The following ACP2 variants were observed in gnomAD, a reference collection of about 807,000 sequenced individuals.
ACP2 encodes acid phosphatase 2, lysosomal.
Under a neutral mutation model 54.7 loss-of-function variants are expected in ACP2, and 35 were observed. That is an observed-to-expected ratio of 0.64 (90% CI 0.49 to 0.85). The LOEUF (loss-of-function observed/expected upper bound fraction) is 0.85. Among genes scored for constraint, ACP2 ranks in the 40% least tolerant of loss-of-function variants. ACP2 has a pLI of 0.00. For missense variants in ACP2, 492 were observed against 565.0 expected (o/e 0.87, Z 1.31); for synonymous variants, 210 against 224.4 (o/e 0.94, Z 0.57).
chr11:47,243,369 T>C (rs1953946138), intron 7 of ACP2, 48 bp from the exon 8 acceptor site: 2 of 1,522,500 alleles, frequency 1.3e-6, no homozygotes, highest in Admixed American at 1.7e-5. Context: ...CACCTCTGCC[T>C]TCTAATTAGA....
chr11:47,241,197 A>G (rs1047586877), intron 10 of ACP2, among the ~76,000 whole-genome samples: 1 of 152,236 alleles, frequency 6.6e-6, no homozygotes, highest in Non-Finnish European at 1.5e-5. Context: ...CTGAGAGGAC[A>G]GTAGTATGAA....
chr11:47,248,416 A>G (rs2135547761), intron 1 of ACP2: 1 of 1,533,132 alleles, frequency 6.5e-7, no homozygotes. Flanking sequence ...GGGAAAAAAG[A>G]TAACCAAAGG....
rs143060861 is a variant in ACP2 at position 47,244,737 on chromosome 11, C to T, written c.770G>A (p.Gly257Glu). The T allele has an allele frequency of 2.7e-5, 44 of 1,604,002 alleles. No homozygotes were observed. Among genetic ancestry groups the T allele is most frequent in the Non-Finnish European group, 4.3e-6 (5 of 1,173,584 alleles). The change falls in exon 7 of 11, where the codon GGG (glycine) becomes GAG (glutamate). Residue 257 changes from glycine (G) to glutamate (E), a missense_variant and splice_region_variant. Coordinates refer to ENST00000672073, the MANE Select transcript of ACP2 (RefSeq NM_001610.4). ...YQQAEKARLQ[G>E]GVLLAQIRKN... The stretch of plus-strand genomic sequence containing the variant: ...GACACGCTGTCCTTGTCACTCACCC[C>T]CCTGAAGCCGGGCCTTCTCCGCCTG...
chr11:47,247,948 G>A (rs1358037247), intron 2 of ACP2, 90 bp downstream of exon 2: 1 of 1,172,092 alleles, frequency 8.5e-7, no homozygotes, highest in Admixed American at 2.4e-5. Flanking sequence ...ATGGGAAAAG[G>A]CAGTTTAGTA....
Position 47,242,844 on chromosome 11 carries a change from C to T in ACP2, c.1017G>A (p.Pro339=), listed in dbSNP as rs1409214352. ...GGTGAGGGCAGCCAGGCAGGCTGAG[C>T]GGCCAGGGGGCCTTGTCACTCTCGT... is the stretch of plus-strand genomic sequence containing the variant. ...FRNESDKAPW[P]LSLPGCPHRC... is the part of the protein sequence containing the mutation. Residue 339 remains proline, a synonymous_variant, in exon 10 of 11, where the codon CCG becomes CCA. Coordinates refer to ENST00000672073, the MANE Select transcript of ACP2 (RefSeq NM_001610.4). 8.7e-6 allele frequency: 14 copies of T among 1,613,980 alleles called. No homozygotes were observed. Among genetic ancestry groups the T allele is most frequent in the African/African-American group, 1.3e-5 (1 of 75,044 alleles).
chr11:47,246,668 G>A (rs945395937), intron 3 of ACP2, among the ~76,000 whole-genome samples: 1 of 152,036 alleles, frequency 6.6e-6, no homozygotes, highest in South Asian at 2.1e-4. Context: ...CTGAGGTCAG[G>A]AGTTCAAGAC....
chr11:47,248,799 A>C lies in ACP2; in HGVS notation c.-10T>G. 6.3e-7 allele frequency: 1 copy of C among 1,583,082 alleles called. No individual in the cohort carries two copies. The highest frequency in any genetic ancestry group is 8.6e-7 in the Non-Finnish European group (1 of 1,163,922). ...ACCGCTTGCCCGCCATCACCGTTGTAATCTATGCAGCAAACAAGCTGGAAC... is the reference window on the plus strand; with the variant it reads ...ACCGCTTGCCCGCCATCACCGTTGTCATCTATGCAGCAAACAAGCTGGAAC... On this transcript the variant is annotated 5_prime_UTR_variant, in exon 1 of 11. The change creates a new upstream start codon in the 5' untranslated region. Transcript: ENST00000672073.
In ACP2 at chr11:47,248,691, C is replaced by T. The variant is rs980288603; in HGVS notation, c.99G>A (p.Leu33=). ...CTCTCATTACCAAGGTAACGAAGCGCAGACTCCGGGCCCGGGTGGGCGGCA... is the reference window on the plus strand; with the variant it reads ...CTCTCATTACCAAGGTAACGAAGCGTAGACTCCGGGCCCGGGTGGGCGGCA... ...VVMPPTRARS[L]RFVTLLYRHG... Residue 33 remains leucine, a synonymous_variant, in exon 1 of 11, where the codon CTG becomes CTA. Coordinates refer to ENST00000672073, the MANE Select transcript of ACP2 (RefSeq NM_001610.4). 7.4e-6 allele frequency: 12 copies of T among 1,611,710 alleles called. No homozygotes were observed. Among genetic ancestry groups the T allele is most frequent in the African/African-American group, 1.3e-5 (1 of 74,904 alleles).
rs199906401 is a variant in ACP2 at position 47,245,807 on chromosome 11, G to T, written c.325C>A (p.Arg109=). 3.1e-6 allele frequency: 5 copies of T among 1,590,850 alleles called. No homozygotes were observed. The South Asian group carries it at 5.7e-5, about 18-fold the overall frequency. The change falls in exon 4 of 11, where the codon CGG becomes AGG. Residue 109 remains arginine, a synonymous_variant. Transcript: ENST00000672073. The stretch of plus-strand genomic sequence containing the variant: ...TTGGCCTCAGCACTCATGAGAGTCC[G>T]GTCAAAGTCTGTGCTTCGCACATAA... The part of the protein sequence containing the change: ...EVYVRSTDFD[R]TLMSAEANLA...
At chr11:47,240,996 A>C (rs1226279215) in intron 10 of ACP2, among the ~76,000 whole-genome samples, 7 of 152,242 alleles carry the variant, frequency 4.6e-5, no homozygotes, top group Non-Finnish European at 8.8e-5. Context: ...AGAGGAGACG[A>C]AGGGCAAAAG....
rs536446857 is a variant in ACP2, at chr11:47,239,369, G to GT, written c.*746dup. ...TGCCCCAGCCCTATTCTGGGCCACA[G>GT]TCTAGAACTTTCTTTTCCAGCTCAC... On this transcript the variant is annotated 3_prime_UTR_variant, in exon 11 of 11. Transcript: ENST00000672073. 5.8e-5 allele frequency: 11 copies of GT among 188,680 alleles called. No individual in the cohort carries two copies. Among genetic ancestry groups the GT allele is most frequent in the South Asian group, 1.5e-4 (1 of 6,782 alleles). 11.7% of individuals were successfully genotyped at this position (188,680 alleles called of 1,614,324 possible).
At chr11:47,247,943 A>G (rs1954261564) in intron 2 of ACP2, 95 bp downstream of exon 2, 2 of 1,141,614 alleles carry the variant, frequency 1.8e-6, no homozygotes, top group South Asian at 3.0e-5. Flanking sequence ...CCCATATGGG[A>G]AAAGGCAGTT....
chr11:47,246,669 A>G (rs1353745119), intron 3 of ACP2, among the ~76,000 whole-genome samples: 1 of 152,098 alleles, frequency 6.6e-6, no homozygotes, highest in African/African-American at 2.4e-5. Flanking sequence ...TGAGGTCAGG[A>G]GTTCAAGACC....
At position 47,243,128 on chromosome 11, in the gene ACP2, C is replaced by T. The variant is rs111841808; in HGVS notation, c.856-4G>A. The T allele has an allele frequency of 1.4e-3, 2,273 of 1,614,058 alleles. 30 individuals carry two copies. In the African/African-American group the frequency reaches 0.025, roughly 18 times the overall value. ...GGGCAACCAGGGTAGTGTCGTGCTG[C>T]GGGGGAGAGGGGCTGCCCGTCAGCA... On this transcript the variant is annotated splice_polypyrimidine_tract_variant and splice_region_variant and intron_variant, in intron 8 of 10. Coordinates refer to ENST00000672073, the MANE Select transcript of ACP2 (RefSeq NM_001610.4).
chr11:47,248,162 G>A (rs1290821363), intron 1 of ACP2, 29 bp from the exon 2 acceptor site: 2 of 1,557,208 alleles, frequency 1.3e-6, no homozygotes, highest in Non-Finnish European at 1.7e-6. Flanking sequence ...TTGCCTATAG[G>A]TCAGAAGCAT....
intron 1 of ACP2, 77 bp from the exon 2 acceptor site, chr11:47,248,210 T>TGTTA: frequency 7.1e-7 from 1 of 1,403,200 alleles, no homozygotes; most frequent in Non-Finnish European, 9.7e-7. Context: ...TTTTGCCCCA[T>TGTTA]GTTAGGGAAG....
chr11:47,243,126 T>C lies in ACP2; in HGVS notation c.856-2A>G. The C allele has an allele frequency of 1.2e-6, 2 of 1,614,174 alleles. No homozygotes were observed. The highest frequency in any genetic ancestry group is 1.7e-6 in the Non-Finnish European group (2 of 1,179,998). On this transcript the variant is annotated splice_acceptor_variant, in intron 8 of 10. Coordinates refer to ENST00000672073, the MANE Select transcript of ACP2 (RefSeq NM_001610.4). LOFTEE classifies it high-confidence loss of function. Reference sequence around the variant, plus strand: ...CAGGGCAACCAGGGTAGTGTCGTGCTGCGGGGGAGAGGGGCTGCCCGTCAG... The same window carrying C: ...CAGGGCAACCAGGGTAGTGTCGTGCCGCGGGGGAGAGGGGCTGCCCGTCAG...
chr11:47,242,165 T>G (rs1319075914), intron 10 of ACP2, among the ~76,000 whole-genome samples: 1 of 152,208 alleles, frequency 6.6e-6, no homozygotes, highest in African/African-American at 2.4e-5. Flanking sequence ...AGTCACTGGC[T>G]TTGGTAGGAG....
At chr11:47,241,383 G>A (rs1953873844) in intron 10 of ACP2, among the ~76,000 whole-genome samples, 1 of 152,176 alleles carries the variant, frequency 6.6e-6, no homozygotes, top group Non-Finnish European at 1.5e-5. Context: ...TGGGCATGGT[G>A]ATGCATGCCT....
Sources: allele counts gnomAD v4.1 joint callset (sites outside exome capture counted in the v4.1 genomes callset), GRCh38; gene constraint gnomAD v4.1.1; transcripts MANE v1.5; gene names NCBI Gene and HGNC (gene_info 2026-07-23, HGNC 2026-07-21).